PLOD1: variants seen among roughly 807,000 people sequenced by gnomAD.
The protein encoded by PLOD1 is lysine hydroxylase.
Under a neutral mutation model 94.7 loss-of-function variants are expected in PLOD1, and 70 were observed. The ratio of observed to expected loss-of-function variants is 0.74; its 90% CI spans 0.61 to 0.90. PLOD1 has a LOEUF of 0.90. Among genes scored for constraint, PLOD1 ranks in the 40% least tolerant of loss-of-function variants. The pLI, the probability that PLOD1 is intolerant of heterozygous loss-of-function variation, is 0.00. For missense variants in PLOD1, 905 were observed against 972.7 expected (o/e 0.93, Z 0.93); for synonymous variants, 417 against 400.2 (o/e 1.04, Z -0.50).
chr1:11,966,246 C>T lies in PLOD1; in HGVS notation c.1585-5C>T. On this transcript the variant is annotated splice_region_variant and splice_polypyrimidine_tract_variant and intron_variant, in intron 14 of 18. Coordinates refer to ENST00000196061, the MANE Select transcript of PLOD1 (RefSeq NM_000302.4). ...GGACCCTAGCCTGCTTCCCACTTCCCACAGGACTGGAAGGAGAAGTACATC... is the reference window on the plus strand; with the variant it reads ...GGACCCTAGCCTGCTTCCCACTTCCTACAGGACTGGAAGGAGAAGTACATC... The T allele has an allele frequency of 6.2e-7, 1 of 1,604,316 alleles. No homozygotes were observed. Among genetic ancestry groups the T allele is most frequent in the Non-Finnish European group, 8.5e-7 (1 of 1,174,766 alleles).
At chr1:11,942,416 G>C (rs1645621499) in intron 1 of PLOD1, among the ~76,000 whole-genome samples, 1 of 152,210 alleles carries the variant, frequency 6.6e-6, no homozygotes, top group Non-Finnish European at 1.5e-5. Context: ...GGGAGAAGGA[G>C]CAGGTTTGTA....
intron 12 of PLOD1, 151 bp from the exon 13 acceptor site, chr1:11,964,493 A>C: frequency 1.1e-6 from 1 of 910,090 alleles, no homozygotes; most frequent in Non-Finnish European, 1.8e-6. Flanking sequence ...GGGCGGGGGA[A>C]TCAAATCAGC....
chr1:11,963,687 GGGGT>G lies in PLOD1; in HGVS notation c.1202+54_1202+57del. On this transcript the variant is annotated intron_variant, in intron 11 of 18. Transcript: ENST00000196061. This position sits in a 1 kb window ranked among gnomAD's most constrained non-coding sequence, Gnocchi z 4.3. ...CACTGCTCAGGACTGGCCTGGTCCT[GGGGT>G]GGCAGCCCTCCTTGCCTTCCTCCTC... The G allele has an allele frequency of 2.4e-6, 3 of 1,253,420 alleles. No individual in the cohort carries two copies. Among genetic ancestry groups the G allele is most frequent in the Non-Finnish European group, 3.4e-6 (3 of 871,890 alleles). The allele number at this position is 1,253,420 out of a possible 1,614,324, so 77.6% of individuals were successfully genotyped here.
rs77995432 is a variant in PLOD1, at chr1:11,945,065, C to T, written c.77-2911C>T. On this transcript the variant is annotated intron_variant, in intron 1 of 18. Coordinates refer to ENST00000196061, the MANE Select transcript of PLOD1 (RefSeq NM_000302.4). ...AGAGGGCAGGAGAAATCCGAGAAGGCTTCATAGAGGTGGAAGGGACGTCAT... is the reference window on the plus strand; with the variant it reads ...AGAGGGCAGGAGAAATCCGAGAAGGTTTCATAGAGGTGGAAGGGACGTCAT... Among the ~76,000 whole-genome samples, 1,483 of 152,242 alleles carry T rather than the reference C, an allele frequency of 9.7e-3. 24 individuals carry two copies. Among genetic ancestry groups the T allele is most frequent in the African/African-American group, 0.034 (1,412 of 41,538 alleles).
chr1:11,970,557 GTT>G lies in PLOD1; in HGVS notation c.1756-110_1756-109del, dbSNP rs1645854151. On this transcript the variant is annotated intron_variant, in intron 16 of 18. Coordinates refer to ENST00000196061, the MANE Select transcript of PLOD1 (RefSeq NM_000302.4). ...TAATTGTATCTGCAAAGCCTGTTCA[GTT>G]TTGTCATGTAATGTGGTCCGGTCAC... 4 of 976,566 alleles carry G rather than the reference GTT, an allele frequency of 4.1e-6. No homozygotes were observed. In the South Asian group the frequency reaches 5.5e-5, roughly 13 times the overall value. The allele number at this position is 976,566 out of a possible 1,614,324, so 60.5% of individuals were successfully genotyped here. A position where few individuals can be genotyped will look rare whatever the true frequency, so the allele number is the denominator to read the frequency against.
At chr1:11,965,385 G>A in intron 13 of PLOD1, 95 bp from the exon 14 acceptor site, 1 of 759,712 alleles carries the variant, frequency 1.3e-6, no homozygotes, top group South Asian at 1.4e-5. Context: ...GGGTGGAGGA[G>A]GCTGCACTGT....
rs1348320938 is a variant in PLOD1, at chr1:11,975,028, G to A, written c.*220G>A. ...GGCTCTCCGTGGTGTTCTGGACCCAGCCCCTGGAGACACCATTCACTTTTA... is the reference window on the plus strand; with the variant it reads ...GGCTCTCCGTGGTGTTCTGGACCCAACCCCTGGAGACACCATTCACTTTTA... On this transcript the variant is annotated 3_prime_UTR_variant, in exon 19 of 19. Transcript: ENST00000196061. The A allele has an allele frequency of 1.1e-5, 7 of 614,242 alleles. No individual in the cohort carries two copies. Among genetic ancestry groups the A allele is most frequent in the Non-Finnish European group, 1.7e-5 (6 of 344,370 alleles). The allele number at this position is 614,242 out of a possible 1,614,324, so 38.0% of individuals were successfully genotyped here. A position where few individuals can be genotyped will look rare whatever the true frequency, so the allele number is the denominator to read the frequency against.
chr1:11,965,626 G>A, intron 14 of PLOD1, 33 bp downstream of exon 14: 1 of 1,289,106 alleles, frequency 7.8e-7, no homozygotes, highest in Non-Finnish European at 1.1e-6. Context: ...GGGGCTGGGA[G>A]CAAAGGGGCC....
chr1:11,965,483 G>A lies in PLOD1; in HGVS notation c.1474G>A (p.Val492Met). The A allele has an allele frequency of 6.2e-7, 1 of 1,602,964 alleles. No individual in the cohort carries two copies. The highest frequency in any genetic ancestry group is 1.3e-5 in the African/African-American group (1 of 74,776). ...CCACCGGGCCTGTCCTCCCCAGGAT[G>A]TGTTCATGTTCCTGACCAACCGGCA... ...AFCANIRQQDVFMFLTNRHTL... is the reference protein window; with the variant it reads ...AFCANIRQQDMFMFLTNRHTL... The change falls in exon 14 of 19, where the codon GTG (valine) becomes ATG (methionine). Residue 492 changes from valine to methionine, a missense_variant. Physicochemically the swap from Val to Met is conservative, Grantham distance 21. Transcript: ENST00000196061.
rs759448456 is a variant in PLOD1, at chr1:11,964,274, C to T, written c.1302C>T (p.Tyr434=). The T allele has an allele frequency of 1.8e-5, 24 of 1,334,976 alleles. No individual in the cohort carries two copies. Among genetic ancestry groups the T allele is most frequent in the East Asian group, 9.7e-5 (2 of 20,578 alleles). 82.7% of individuals were successfully genotyped at this position (1,334,976 alleles called of 1,614,324 possible). A position where few individuals can be genotyped will look rare whatever the true frequency, so the allele number is the denominator to read the frequency against. ...GCTACTATGCCCGTTCCGAGGACTA[C>T]GTGGACATTGTGCAGGGGCGGCGTG... ...ADGYYARSED[Y]VDIVQGRRVG... Residue 434 remains tyrosine (Y), a synonymous_variant, in exon 12 of 19, where the codon TAC becomes TAT. Coordinates refer to ENST00000196061, the MANE Select transcript of PLOD1 (RefSeq NM_000302.4).
intron 1 of PLOD1, among the ~76,000 whole-genome samples, chr1:11,946,061 C>G (rs918632858): frequency 6.6e-6 from 1 of 152,090 alleles, no homozygotes; most frequent in Non-Finnish European, 1.5e-5. Context: ...ATTTTACATG[C>G]CTGATCTCAT....
intron 1 of PLOD1, among the ~76,000 whole-genome samples, chr1:11,937,005 G>A (rs1645584026): frequency 1.3e-5 from 2 of 151,846 alleles, no homozygotes; most frequent in South Asian, 4.2e-4. Context: ...ATGCCACAAC[G>A]CTCAGCTAAT....
At position 11,974,971 on chromosome 1, in the gene PLOD1, A is replaced by G. The variant is rs1645894041; in HGVS notation, c.*163A>G. 7.9e-6 allele frequency: 6 copies of G among 755,210 alleles called. No individual in the cohort carries two copies. In the Admixed American group the frequency reaches 1.2e-4, roughly 15 times the overall value. The allele number at this position is 755,210 out of a possible 1,614,324, so 46.8% of individuals were successfully genotyped here. On this transcript the variant is annotated 3_prime_UTR_variant, in exon 19 of 19. Transcript: ENST00000196061. ...CAAAGAGATTCAAAGAGATTCCTGCAGGCCAGAGGCGGAACACACCTTTAT... is the reference window on the plus strand; with the variant it reads ...CAAAGAGATTCAAAGAGATTCCTGCGGGCCAGAGGCGGAACACACCTTTAT...
At chr1:11,971,694 C>T (rs1200193169) in intron 17 of PLOD1, 1 of 152,294 alleles carries the variant, frequency 6.6e-6, no homozygotes, top group Admixed American at 6.6e-5. Flanking sequence ...AATCTTTCTT[C>T]CTTGTCATTA....
At chr1:11,960,955 C>T (rs1018977687) in intron 10 of PLOD1, among the ~76,000 whole-genome samples, 188 bp downstream of exon 10, 6 of 152,040 alleles carry the variant, frequency 3.9e-5, no homozygotes, top group East Asian at 3.9e-4. Context: ...TGCCAACCCC[C>T]GGGGCTCCTG....
Position 11,949,894 on chromosome 1 carries a change from T to C in PLOD1, c.290T>C (p.Leu97Pro). Residue 97 changes from leucine to proline, a missense_variant, in exon 3 of 19, where the codon CTC (leucine) becomes CCC (proline). Transcript: ENST00000196061. ...GCAGACAAGGAGGATCTGGTCATTCTCTTCGCAGACAGGTAGGTGGGTCAG... is the reference window on the plus strand; with the variant it reads ...GCAGACAAGGAGGATCTGGTCATTCCCTTCGCAGACAGGTAGGTGGGTCAG... ...KHADKEDLVI[L>P]FADSYDVLFA... The C allele has an allele frequency of 6.2e-7, 1 of 1,614,134 alleles. No individual in the cohort carries two copies. Among genetic ancestry groups the C allele is most frequent in the South Asian group, 1.1e-5 (1 of 91,078 alleles).
At chr1:11,947,931 C>T in intron 1 of PLOD1, 45 bp from the exon 2 acceptor site, 1 of 1,252,190 alleles carries the variant, frequency 8.0e-7, no homozygotes, top group Non-Finnish European at 1.2e-6. Flanking sequence ...CCTGTCACCT[C>T]CCTCATCCTC....
At position 11,957,720 on chromosome 1, in the gene PLOD1, C is replaced by G; in HGVS notation, c.742-122C>G. 2.5e-6 allele frequency: 2 copies of G among 785,248 alleles called. No homozygotes were observed. Among genetic ancestry groups the G allele is most frequent in the Middle Eastern group, 3.0e-4 (1 of 3,330 alleles). The allele number at this position is 785,248 out of a possible 1,614,324, so 48.6% of individuals were successfully genotyped here. A position where few individuals can be genotyped will look rare whatever the true frequency, so the allele number is the denominator to read the frequency against. ...GGGGATGGAGCATTATCTCCAAGAC[C>G]CTCTTAGGGAGTGGGAGGGGGCTGG... is the stretch of plus-strand genomic sequence containing the variant. On this transcript the variant is annotated intron_variant, in intron 7 of 18. Transcript: ENST00000196061. This position sits in a 1 kb window ranked among gnomAD's most constrained non-coding sequence, Gnocchi z 4.1.
Position 11,963,451 on chromosome 1 carries a change from G to GC in PLOD1, c.1098-79dup. On this transcript the variant is annotated intron_variant, in intron 10 of 18. Coordinates refer to ENST00000196061, the MANE Select transcript of PLOD1 (RefSeq NM_000302.4). This position sits in a 1 kb window ranked among gnomAD's most constrained non-coding sequence, Gnocchi z 4.3. ...AGCCCCTTGGCTGATATGTGGTGAA[G>GC]CCAGACTGTGGTCACAGATGTGAGC... The GC allele has an allele frequency of 1.1e-6, 1 of 910,446 alleles. No homozygotes were observed. The highest frequency in any genetic ancestry group is 1.4e-5 in the South Asian group (1 of 71,348). 56.4% of individuals were successfully genotyped at this position (910,446 alleles called of 1,614,324 possible).
Sources: allele counts gnomAD v4.1 joint callset (sites outside exome capture counted in the v4.1 genomes callset), GRCh38; gene constraint gnomAD v4.1.1; non-coding constraint Gnocchi (gnomAD v3.1); transcripts MANE v1.5; gene names NCBI Gene and HGNC (gene_info 2026-07-23, HGNC 2026-07-21).